The following CELF5 variants were observed in gnomAD, a reference collection of about 807,000 sequenced individuals.
CELF5 encodes CUG-BP and ETR-3 like factor 5.
Under a neutral mutation model 54.9 loss-of-function variants are expected in CELF5, and 6 were observed. The ratio of observed to expected loss-of-function variants is 0.11; its 90% CI spans 0.06 to 0.22. The LOEUF (loss-of-function observed/expected upper bound fraction) is 0.22, where lower values mean the gene tolerates loss of function less well. Among genes scored for constraint, CELF5 ranks in the 10% least tolerant of loss-of-function variants. CELF5 has a pLI of 1.00. For missense variants in CELF5, 401 were observed against 678.6 expected (o/e 0.59, Z 4.54); for synonymous variants, 271 against 290.9 (o/e 0.93, Z 0.70).
At chr19:3,283,009 T>A (rs886200759) in intron 8 of CELF5, among the ~76,000 whole-genome samples, 2 of 152,160 alleles carry the variant, frequency 1.3e-5, no homozygotes, top group Admixed American at 6.5e-5. Context: ...TTTTGTAGTT[T>A]TAGTAGAGAT....
At chr19:3,267,240 C>T (rs534017734) in intron 2 of CELF5, among the ~76,000 whole-genome samples, 4 of 151,992 alleles carry the variant, frequency 2.6e-5, no homozygotes, top group Admixed American at 2.0e-4. Flanking sequence ...GAGCCCCCCC[C>T]ACCAACCGCC....
intron 2 of CELF5, among the ~76,000 whole-genome samples, chr19:3,266,831 C>T (rs2079888796): frequency 6.6e-6 from 1 of 152,208 alleles, no homozygotes; most frequent in Admixed American, 6.5e-5. Flanking sequence ...ACCCCCCGGC[C>T]TGCCAGCCAC....
intron 1 of CELF5, among the ~76,000 whole-genome samples, chr19:3,231,883 T>C (rs1917284284): frequency 6.6e-6 from 1 of 151,186 alleles, no homozygotes. Flanking sequence ...AATGAATAGA[T>C]GGATGGATGA....
At chr19:3,285,028 C>G in intron 9 of CELF5, 64 bp downstream of exon 9, 2 of 1,298,308 alleles carry the variant, frequency 1.5e-6, no homozygotes, top group Non-Finnish European at 2.2e-6. Flanking sequence ...GCCCCGCCCC[C>G]AGGGCCCGCC....
At chr19:3,285,174 G>A (rs1490173374) in intron 9 of CELF5, among the ~76,000 whole-genome samples, 2 of 149,202 alleles carry the variant, frequency 1.3e-5, no homozygotes, top group Admixed American at 1.3e-4. Flanking sequence ...ACCTATACCC[G>A]CAAACAGGAC....
intron 2 of CELF5, among the ~76,000 whole-genome samples, chr19:3,256,793 C>T (rs1319489057): frequency 6.6e-6 from 1 of 151,922 alleles, no homozygotes; most frequent in African/African-American, 2.4e-5. Flanking sequence ...GTCTCAAACT[C>T]CTGACCTCAA....
chr19:3,284,095 T>G (rs980873323), intron 8 of CELF5, among the ~76,000 whole-genome samples: 1 of 151,046 alleles, frequency 6.6e-6, no homozygotes, highest in Admixed American at 6.6e-5. Flanking sequence ...CGATCCTCCT[T>G]CCTCGGCCTC....
At chr19:3,272,325 C>T (rs1202631040) in intron 2 of CELF5, among the ~76,000 whole-genome samples, 1 of 151,338 alleles carries the variant, frequency 6.6e-6, no homozygotes, top group Non-Finnish European at 1.5e-5. Context: ...GCCGAGATCA[C>T]GTCACTGCAT....
intron 5 of CELF5, among the ~76,000 whole-genome samples, chr19:3,279,365 A>G (rs948967383): frequency 6.6e-6 from 1 of 152,132 alleles, no homozygotes; most frequent in Non-Finnish European, 1.5e-5. Flanking sequence ...CTGCACCCAC[A>G]TCTCCGAATC....
chr19:3,242,055 A>G (rs981040164), intron 1 of CELF5, among the ~76,000 whole-genome samples: 2 of 152,130 alleles, frequency 1.3e-5, no homozygotes, highest in Non-Finnish European at 2.9e-5. Flanking sequence ...GATTACAGGC[A>G]TGAACCACCA....
In CELF5 at chr19:3,282,202, A is replaced by G; in HGVS notation, c.827A>G (p.His276Arg). ...LSPGVAFSPC[H>R]IQQIGAVSLN... ...CCCGGCGTGGCCTTCTCACCCTGTC[A>G]CATCCAGCAGATAGGCGCCGTCAGC... Residue 276 changes from histidine to arginine, a missense_variant, in exon 7 of 13, where the codon CAC becomes CGC. By Grantham distance (29) the His-to-Arg change is conservative (BLOSUM62 0). Transcript: ENST00000292672. This position sits in a 1 kb window ranked among gnomAD's most constrained non-coding sequence, Gnocchi z 5.2. The G allele has an allele frequency of 1.9e-6, 3 of 1,614,072 alleles. No individual in the cohort carries two copies. Among genetic ancestry groups the G allele is most frequent in the Non-Finnish European group, 2.5e-6 (3 of 1,180,030 alleles).
At chr19:3,235,818 GTGGATGGATGGA>G (rs1282249934) in intron 1 of CELF5, among the ~76,000 whole-genome samples, 2 of 146,346 alleles carry the variant, frequency 1.4e-5, no homozygotes, top group Non-Finnish European at 1.5e-5. Context: ...GGATGGATGT[GTGGATGGATGGA>G]TGGATGGATG....
intron 2 of CELF5, among the ~76,000 whole-genome samples, chr19:3,269,460 G>A (rs1038617521): frequency 1.1e-4 from 17 of 152,122 alleles, no homozygotes; most frequent in South Asian, 4.1e-4. Context: ...TTACAGGCGT[G>A]AGCCACCGCG....
chr19:3,242,217 G>C (rs2079500768), intron 1 of CELF5, among the ~76,000 whole-genome samples: 1 of 152,188 alleles, frequency 6.6e-6, no homozygotes, highest in Non-Finnish European at 1.5e-5. Context: ...ATGGTCTGCA[G>C]AGCTAGACTA....
intron 2 of CELF5, among the ~76,000 whole-genome samples, chr19:3,255,830 C>T (rs755997076): frequency 4.1e-4 from 63 of 151,944 alleles, no homozygotes; most frequent in Non-Finnish European, 6.8e-4. Flanking sequence ...TTTGGGAGGC[C>T]GAGGCGAGCA....
intron 10 of CELF5, among the ~76,000 whole-genome samples, chr19:3,289,712 AAAATT>A (rs2080311658): frequency 8.0e-5 from 12 of 149,092 alleles, no homozygotes. Flanking sequence ...AAAAAAAAAA[AAAATT>A]AGCAACGCAT....
At chr19:3,256,357 A>G (rs1409895381) in intron 2 of CELF5, among the ~76,000 whole-genome samples, 1 of 151,944 alleles carries the variant, frequency 6.6e-6, no homozygotes, top group Non-Finnish European at 1.5e-5. Flanking sequence ...GAGCCCCTCA[A>G]GGGCAGTCCC....
intron 12 of CELF5, chr19:3,296,434 GAAAAAAAAAAAA>G (rs5826810): frequency 7.3e-5 from 4 of 54,862 alleles, no homozygotes; most frequent in Non-Finnish European, 9.7e-5. Context: ...AAACCACACA[GAAAAAAAAAAAA>G]AAAAAAAAAA....
At chr19:3,287,799 G>A (rs558502449) in intron 10 of CELF5, among the ~76,000 whole-genome samples, 5 of 152,152 alleles carry the variant, frequency 3.3e-5, no homozygotes, top group African/African-American at 4.8e-5. Context: ...TCAGTGACAC[G>A]TTAAGAGAAA....
Sources: allele counts gnomAD v4.1 joint callset (sites outside exome capture counted in the v4.1 genomes callset), GRCh38; gene constraint gnomAD v4.1.1; non-coding constraint Gnocchi (gnomAD v3.1); transcripts MANE v1.5; gene names NCBI Gene and HGNC (gene_info 2026-07-23, HGNC 2026-07-21).